The following SNTG1 variants were observed in gnomAD, a reference collection of about 807,000 sequenced individuals.
SNTG1 encodes gamma-1-syntrophin.
In SNTG1, 39 loss-of-function variants were observed where a neutral mutation model predicts 74.7. That is an observed-to-expected ratio of 0.52 (90% CI 0.40 to 0.68). The LOEUF is 0.68. SNTG1 is among the 30% of genes least tolerant of loss of function. The pLI is 0.00. For synonymous variants in SNTG1, 254 were observed against 217.1 expected, an observed-to-expected ratio of 1.17 and a Z score of -1.49; for missense variants, 685 against 609.5, an observed-to-expected ratio of 1.12 and a Z score of -1.30.
chr8:50,337,464 A>G (rs564609773), intron 2 of SNTG1, among the ~76,000 whole-genome samples: 1 of 152,316 alleles, frequency 6.6e-6, no homozygotes, highest in South Asian at 2.1e-4. Context: ...ATCTGAGAAA[A>G]ATTTCTACCC....
chr8:50,126,961 T>G (rs1320687381), intron 1 of SNTG1, among the ~76,000 whole-genome samples: 2 of 152,130 alleles, frequency 1.3e-5, no homozygotes, highest in East Asian at 3.9e-4. Context: ...TGCTTTTACA[T>G]ACATCACAGT....
At chr8:50,538,791 C>G (rs1013827922) in intron 11 of SNTG1, among the ~76,000 whole-genome samples, 2 of 152,076 alleles carry the variant, frequency 1.3e-5, no homozygotes, top group East Asian at 1.9e-4. Context: ...TTTCCATTCT[C>G]TCCCTCTACA....
intron 12 of SNTG1, among the ~76,000 whole-genome samples, chr8:50,580,271 G>T (rs1035249003): frequency 1.3e-5 from 2 of 152,292 alleles, no homozygotes; most frequent in African/African-American, 4.8e-5. Context: ...TACCCCTATT[G>T]TATCTAGGAA....
At chr8:50,075,459 G>A (rs576344240) in intron 1 of SNTG1, among the ~76,000 whole-genome samples, 1 of 152,338 alleles carries the variant, frequency 6.6e-6, no homozygotes, top group South Asian at 2.1e-4. Flanking sequence ...GAGACTTGGA[G>A]AACTTTTGTG....
chr8:50,746,907 C>A (rs981982644), intron 17 of SNTG1, among the ~76,000 whole-genome samples: 3 of 147,666 alleles, frequency 2.0e-5, no homozygotes, highest in South Asian at 2.1e-4. Context: ...TTTTTATTTT[C>A]CCTGCAAAAC....
intron 2 of SNTG1, among the ~76,000 whole-genome samples, chr8:50,185,746 C>G (rs921046070): frequency 6.6e-6 from 1 of 151,792 alleles, no homozygotes; most frequent in Admixed American, 6.6e-5. Context: ...AAACTTTTAT[C>G]TATTAATGTA....
intron 8 of SNTG1, among the ~76,000 whole-genome samples, chr8:50,493,613 T>C (rs2093877624): frequency 6.6e-6 from 1 of 152,064 alleles, no homozygotes; most frequent in South Asian, 2.1e-4. Flanking sequence ...GTAACTATGT[T>C]TTTATAAATC....
chr8:50,504,898 G>T (rs1236570118), intron 9 of SNTG1, among the ~76,000 whole-genome samples: 1 of 152,214 alleles, frequency 6.6e-6, no homozygotes, highest in South Asian at 2.1e-4. Context: ...GTTCAGAAGA[G>T]TAGCCTTAAG....
At chr8:50,131,450 C>G (rs1295238266) in intron 1 of SNTG1, among the ~76,000 whole-genome samples, 1 of 152,072 alleles carries the variant, frequency 6.6e-6, no homozygotes, top group African/African-American at 2.4e-5. Flanking sequence ...GTTTATTTCA[C>G]TCAGCAGAAT....
chr8:50,597,507 G>A (rs1434819324), intron 13 of SNTG1, among the ~76,000 whole-genome samples: 1 of 151,350 alleles, frequency 6.6e-6, no homozygotes, highest in African/African-American at 2.4e-5. Flanking sequence ...TTTGAATAGT[G>A]TTGCTTATTG....
chr8:50,225,524 G>A (rs1206242594), intron 2 of SNTG1, among the ~76,000 whole-genome samples: 3 of 152,122 alleles, frequency 2.0e-5, no homozygotes, highest in Non-Finnish European at 4.4e-5. Flanking sequence ...TACATGTATT[G>A]ATTGGTGTTT....
intron 9 of SNTG1, among the ~76,000 whole-genome samples, chr8:50,522,473 A>G (rs947662484): frequency 6.6e-6 from 1 of 152,112 alleles, no homozygotes; most frequent in Admixed American, 6.6e-5. Flanking sequence ...TCCTTGCCCT[A>G]GGATTTCAGA....
chr8:50,169,653 C>T (rs1368806988), intron 1 of SNTG1, among the ~76,000 whole-genome samples: 1 of 152,128 alleles, frequency 6.6e-6, no homozygotes, highest in Non-Finnish European at 1.5e-5. Context: ...GATTAACCTA[C>T]CATTTTTAGA....
chr8:50,351,321 A>G (rs1365410779), intron 2 of SNTG1, among the ~76,000 whole-genome samples: 6 of 152,220 alleles, frequency 3.9e-5, no homozygotes, highest in African/African-American at 1.2e-4. Flanking sequence ...ACTTCTACAC[A>G]CAGAACGTCC....
chr8:50,504,727 G>A (rs1324215903), intron 9 of SNTG1, among the ~76,000 whole-genome samples: 3 of 152,240 alleles, frequency 2.0e-5, no homozygotes, highest in East Asian at 3.9e-4. Context: ...CTTGAGCCTG[G>A]TAGGCTGAGG....
intron 17 of SNTG1, among the ~76,000 whole-genome samples, chr8:50,735,613 T>C (rs559897079): frequency 2.0e-5 from 3 of 152,052 alleles, no homozygotes; most frequent in African/African-American, 4.8e-5. Context: ...CCAAGAAATA[T>C]GGAACTGTGT....
At chr8:50,227,416 A>C (rs2085384811) in intron 2 of SNTG1, among the ~76,000 whole-genome samples, 1 of 152,116 alleles carries the variant, frequency 6.6e-6, no homozygotes, top group Non-Finnish European at 1.5e-5. Flanking sequence ...TTCATTAGAA[A>C]ACCTACTCTA....
intron 15 of SNTG1, among the ~76,000 whole-genome samples, chr8:50,679,806 G>T (rs752954295): frequency 1.1e-4 from 17 of 152,132 alleles, no homozygotes; most frequent in Non-Finnish European, 4.4e-5. Context: ...GATGACATTT[G>T]ATCATATTTG....
chr8:50,142,087 T>C (rs1228747258), intron 1 of SNTG1, among the ~76,000 whole-genome samples: 1 of 152,162 alleles, frequency 6.6e-6, no homozygotes, highest in Non-Finnish European at 1.5e-5. Flanking sequence ...TCACTATAAT[T>C]GTGTATGTTT....
Sources: gnomAD v4.1 joint callset for allele counts (sites outside exome capture counted in the v4.1 genomes callset) on GRCh38, gnomAD v4.1.1 for gene constraint, MANE v1.5 for transcripts, NCBI Gene and HGNC (gene_info 2026-07-23, HGNC 2026-07-21) for gene names.